Variants in TSHZ2 observed in about 807,000 individuals in gnomAD.
TSHZ2 encodes the protein teashirt homolog 2.
In TSHZ2, 21 loss-of-function variants were observed where a neutral mutation model predicts 74.4. That is an observed-to-expected ratio of 0.28 (90% confidence interval 0.20 to 0.41). The LOEUF (loss-of-function observed/expected upper bound fraction) is 0.41. Among genes scored for constraint, TSHZ2 ranks in the 10% least tolerant of loss-of-function variants. TSHZ2 has a pLI of 1.00. For synonymous variants in TSHZ2, 540 were observed against 515.3 expected (o/e 1.05, Z -0.65); for missense variants, 1,244 against 1,293.5 (o/e 0.96, Z 0.59).
chr20:53,435,699 G>C (rs533440529), intron 2 of TSHZ2, among the ~76,000 whole-genome samples: 1 of 152,266 alleles, frequency 6.6e-6, no homozygotes, highest in African/African-American at 2.4e-5. Flanking sequence ...ATTTTTAGTA[G>C]AGACGTGGAT....
chr20:53,226,119 AACACACACAC>A (rs11470731), intron 1 of TSHZ2, among the ~76,000 whole-genome samples: 1,712 of 147,616 alleles, frequency 0.012, 32 homozygotes, highest in African/African-American at 0.033. Context: ...GACTAAATTT[AACACACACAC>A]ACACACACAC....
chr20:53,067,814 G>C (rs773428239), intron 1 of TSHZ2, among the ~76,000 whole-genome samples: 1 of 152,164 alleles, frequency 6.6e-6, no homozygotes, highest in Non-Finnish European at 1.5e-5. Flanking sequence ...CCACAAACTG[G>C]GTGGCTTAAA....
At chr20:53,235,651 G>T (rs1199414053) in intron 1 of TSHZ2, among the ~76,000 whole-genome samples, 1 of 152,160 alleles carries the variant, frequency 6.6e-6, no homozygotes, top group Non-Finnish European at 1.5e-5. Flanking sequence ...AAATAAAAGG[G>T]AAGCTCTCTC....
chr20:52,988,811 A>T (rs188829832), intron 1 of TSHZ2, among the ~76,000 whole-genome samples: 61 of 152,226 alleles, frequency 4.0e-4, no homozygotes, highest in African/African-American at 1.4e-3. Context: ...AATCGTGCTC[A>T]CCCACTCCAC....
In TSHZ2 at chr20:53,187,738, GAA is replaced by G. The variant is rs11475445; in HGVS notation, c.41-65751_41-65750del. Among the ~76,000 whole-genome samples, 661 of 146,068 alleles carry G rather than the reference GAA, an allele frequency of 4.5e-3. 4 individuals carry two copies. Among genetic ancestry groups the G allele is most frequent in the African/African-American group, 0.016 (623 of 39,894 alleles). On this transcript the variant is annotated intron_variant, in intron 1 of 2. Transcript: ENST00000371497. ...GAGGACAGGAAATGCTGATGGGAAAGAAAAAAAAAAATATGTGCTTGGGATAA... is the reference window on the plus strand; with the variant it reads ...GAGGACAGGAAATGCTGATGGGAAAGAAAAAAAAATATGTGCTTGGGATAA...
chr20:53,463,380 G>GAGGAAGGAAGGAAGGAAGGAAGGA (rs3042220), intron 2 of TSHZ2, among the ~76,000 whole-genome samples: 20 of 68,634 alleles, frequency 2.9e-4, no homozygotes, highest in East Asian at 1.6e-3. Flanking sequence ...CAGAGAGAGA[G>GAGGAAGGAAGGAAGGAAGGAAGGA]AGGAAGGAAG....
chr20:53,246,047 T>C (rs1012399424), intron 1 of TSHZ2, among the ~76,000 whole-genome samples: 1 of 149,842 alleles, frequency 6.7e-6, no homozygotes, highest in Non-Finnish European at 1.5e-5. Context: ...TTTCTTTTTT[T>C]TTTTTTGTTT....
At chr20:53,040,159 G>A (rs6013616) in intron 1 of TSHZ2, among the ~76,000 whole-genome samples, 116,557 of 152,112 alleles carry the variant, frequency 0.77, 45,683 homozygotes, top group East Asian at 0.96. Context: ...ATGCACAGTG[G>A]TGGTGGGGTA....
chr20:53,264,105 T>C (rs1990659679), intron 2 of TSHZ2, among the ~76,000 whole-genome samples: 1 of 152,270 alleles, frequency 6.6e-6, no homozygotes, highest in African/African-American at 2.4e-5. Flanking sequence ...CAATACTCAT[T>C]GCCGGCGTAG....
intron 1 of TSHZ2, among the ~76,000 whole-genome samples, chr20:53,203,174 G>T (rs1989050773): frequency 6.6e-6 from 1 of 151,588 alleles, no homozygotes; most frequent in Non-Finnish European, 1.5e-5. Context: ...CAGAGAACTG[G>T]GTCTGAGCAG....
At chr20:53,096,568 G>A (rs1056735127) in intron 1 of TSHZ2, among the ~76,000 whole-genome samples, 3 of 151,798 alleles carry the variant, frequency 2.0e-5, no homozygotes, top group South Asian at 4.2e-4. Context: ...ATTATCATAA[G>A]CATCATCATC....
intron 2 of TSHZ2, among the ~76,000 whole-genome samples, chr20:53,339,916 A>C (rs1023241474): frequency 1.1e-4 from 16 of 152,276 alleles, no homozygotes; most frequent in Non-Finnish European, 1.9e-4. Context: ...GCCCACCTGC[A>C]GCTCTCATCT....
In TSHZ2 at chr20:53,253,960, T is replaced by C; in HGVS notation, c.502T>C (p.Trp168Arg). The C allele has an allele frequency of 6.2e-7, 1 of 1,614,148 alleles. No individual in the cohort carries two copies. Among genetic ancestry groups the C allele is most frequent in the Non-Finnish European group, 8.5e-7 (1 of 1,180,016 alleles). The change falls in exon 2 of 3, where the codon TGG becomes CGG. Residue 168 changes from tryptophan (W) to arginine (R), a missense_variant. Trp to Arg is a moderately radical substitution (Grantham distance 101). Transcript: ENST00000371497. ...RNGSNKSDFDWHQDALSKSLQ... is the reference protein window; with the variant it reads ...RNGSNKSDFDRHQDALSKSLQ... ...CGGCAGCAACAAGAGTGATTTTGAT[T>C]GGCACCAAGACGCTCTGTCCAAAAG...
At chr20:53,334,387 A>G (rs1035672347) in intron 2 of TSHZ2, among the ~76,000 whole-genome samples, 1 of 152,124 alleles carries the variant, frequency 6.6e-6, no homozygotes, top group Non-Finnish European at 1.5e-5. Context: ...TTGGGGAAGG[A>G]GCATTCTAAG....
intron 1 of TSHZ2, among the ~76,000 whole-genome samples, chr20:53,040,009 G>C (rs1345881924): frequency 6.6e-6 from 1 of 152,106 alleles, no homozygotes; most frequent in Non-Finnish European, 1.5e-5. Flanking sequence ...GGGAGGTTGA[G>C]GCAGGAGAAT....
chr20:53,337,685 C>T (rs1471249147), intron 2 of TSHZ2, among the ~76,000 whole-genome samples: 1 of 152,118 alleles, frequency 6.6e-6, no homozygotes, highest in Admixed American at 6.5e-5. Flanking sequence ...TAATCATTAC[C>T]AAAGATAATT....
chr20:53,331,315 C>T (rs1427474755), intron 2 of TSHZ2, among the ~76,000 whole-genome samples: 1 of 152,138 alleles, frequency 6.6e-6, no homozygotes, highest in Non-Finnish European at 1.5e-5. Context: ...GGAGAAGCCA[C>T]GGAAAGCTCT....
At chr20:53,102,203 A>G (rs1986236176) in intron 1 of TSHZ2, among the ~76,000 whole-genome samples, 1 of 150,842 alleles carries the variant, frequency 6.6e-6, no homozygotes, top group African/African-American at 2.4e-5. Flanking sequence ...ACTTTAGCTC[A>G]AGAAACATCA....
intron 2 of TSHZ2, among the ~76,000 whole-genome samples, chr20:53,403,709 G>T (rs1203573149): frequency 6.6e-6 from 1 of 152,170 alleles, no homozygotes; most frequent in African/African-American, 2.4e-5. Context: ...GAGAGAATGT[G>T]CTGGTGCTTT....
Sources: gnomAD v4.1 joint callset for allele counts (sites outside exome capture counted in the v4.1 genomes callset) on GRCh38, gnomAD v4.1.1 for gene constraint, MANE v1.5 for transcripts, NCBI Gene and HGNC (gene_info 2026-07-23, HGNC 2026-07-21) for gene names.